Variants in KCNJ3 observed in about 807,000 individuals in gnomAD.
The protein encoded by KCNJ3 is G protein-activated inward rectifier potassium channel 1.
In KCNJ3, 4 loss-of-function variants were observed where a neutral mutation model predicts 39.2. The observed-to-expected ratio is 0.10, with a 90% CI of 0.05 to 0.23. The LOEUF (loss-of-function observed/expected upper bound fraction) is 0.23, where lower values mean the gene tolerates loss of function less well. Ranked by LOEUF, KCNJ3 falls within the 10% of genes least tolerant of loss-of-function variation. KCNJ3 has a pLI of 1.00. For synonymous variants in KCNJ3, 230 were observed against 237.4 expected, an observed-to-expected ratio of 0.97 and a Z score of 0.29; for missense variants, 276 against 634.9, an observed-to-expected ratio of 0.43 and a Z score of 6.08.
rs185745397 is a variant in KCNJ3, at chr2:154,801,645, T to A, written c.920-53082T>A. Among the ~76,000 whole-genome samples the A allele has an allele frequency of 3.5e-3, 531 of 151,742 alleles. 2 individuals carry two copies. The highest frequency in any genetic ancestry group is 6.8e-3 in the Middle Eastern group (2 of 294). On this transcript the variant is annotated intron_variant, in intron 2 of 2. Transcript: ENST00000295101. Reference sequence around the variant, plus strand: ...GGTTTGTTTTTGTTTTTGAGACAGGTTGATACAGGGTCTCATTCTGTCACC... The same window carrying A: ...GGTTTGTTTTTGTTTTTGAGACAGGATGATACAGGGTCTCATTCTGTCACC...
At chr2:154,768,091 T>C (rs533346376) in intron 2 of KCNJ3, among the ~76,000 whole-genome samples, 19 of 152,344 alleles carry the variant, frequency 1.2e-4, no homozygotes, top group African/African-American at 4.6e-4. Context: ...TATTAGCCCT[T>C]TGTCAGGTGG....
chr2:154,837,030 G>C (rs919618155), intron 2 of KCNJ3, among the ~76,000 whole-genome samples: 1 of 152,114 alleles, frequency 6.6e-6, no homozygotes, highest in African/African-American at 2.4e-5. Flanking sequence ...TTACACGAGG[G>C]ATAGAAATTT....
At chr2:154,783,683 C>T (rs1385881861) in intron 2 of KCNJ3, among the ~76,000 whole-genome samples, 1 of 152,066 alleles carries the variant, frequency 6.6e-6, no homozygotes, top group Non-Finnish European at 1.5e-5. Flanking sequence ...AATAATTTTC[C>T]CAAGTTGGCA....
intron 2 of KCNJ3, among the ~76,000 whole-genome samples, chr2:154,721,190 A>G (rs1685258480): frequency 6.6e-6 from 1 of 152,130 alleles, no homozygotes; most frequent in Admixed American, 6.5e-5. Flanking sequence ...GTATAACAGT[A>G]GTGCTTTACA....
At chr2:154,715,489 A>T (rs1426189011) in intron 2 of KCNJ3, among the ~76,000 whole-genome samples, 1 of 152,196 alleles carries the variant, frequency 6.6e-6, no homozygotes, top group Non-Finnish European at 1.5e-5. Context: ...TATTTGTTGA[A>T]TCTTCCCTGG....
At chr2:154,761,987 A>C (rs1162120890) in intron 2 of KCNJ3, among the ~76,000 whole-genome samples, 1 of 152,162 alleles carries the variant, frequency 6.6e-6, no homozygotes, top group Non-Finnish European at 1.5e-5. Context: ...AAAAAGTCTG[A>C]GAAGAGGATA....
intron 2 of KCNJ3, among the ~76,000 whole-genome samples, chr2:154,719,966 A>T (rs1685240950): frequency 6.6e-6 from 1 of 152,118 alleles, no homozygotes; most frequent in South Asian, 2.1e-4. Context: ...TGTCTGAAAA[A>T]GAACTAAGAT....
At chr2:154,819,770 C>A (rs1323591558) in intron 2 of KCNJ3, among the ~76,000 whole-genome samples, 1 of 152,042 alleles carries the variant, frequency 6.6e-6, no homozygotes, top group African/African-American at 2.4e-5. Flanking sequence ...ACCTCGTGAT[C>A]TACCCACCTC....
chr2:154,846,661 G>C (rs1279959706), intron 2 of KCNJ3, among the ~76,000 whole-genome samples: 2 of 152,058 alleles, frequency 1.3e-5, no homozygotes, highest in East Asian at 3.9e-4. Context: ...TATATTTTCA[G>C]CAATATGATT....
chr2:154,786,671 A>G (rs1456592250), intron 2 of KCNJ3, among the ~76,000 whole-genome samples: 1 of 152,180 alleles, frequency 6.6e-6, no homozygotes, highest in East Asian at 1.9e-4. Flanking sequence ...AACACACCAA[A>G]TGAAAGTACT....
intron 2 of KCNJ3, among the ~76,000 whole-genome samples, chr2:154,732,867 G>C (rs1337036166): frequency 6.6e-6 from 1 of 152,124 alleles, no homozygotes; most frequent in Non-Finnish European, 1.5e-5. Flanking sequence ...ATCAAGGATG[G>C]AAAGTACAAA....
chr2:154,705,838 A>AT (rs1254170858), intron 1 of KCNJ3, among the ~76,000 whole-genome samples: 1 of 152,026 alleles, frequency 6.6e-6, no homozygotes, highest in Non-Finnish European at 1.5e-5. Context: ...AACTCCCAGA[A>AT]TTTTTTGTAA....
intron 2 of KCNJ3, among the ~76,000 whole-genome samples, chr2:154,771,159 G>A (rs979235763): frequency 6.6e-6 from 1 of 152,070 alleles, no homozygotes; most frequent in African/African-American, 2.4e-5. Flanking sequence ...CCAGAGTGCT[G>A]AGATTACAGG....
intron 2 of KCNJ3, among the ~76,000 whole-genome samples, chr2:154,780,243 G>A (rs1012609131): frequency 2.6e-5 from 4 of 152,136 alleles, no homozygotes; most frequent in Admixed American, 2.6e-4. Flanking sequence ...GTTTCAACAT[G>A]GATTAAGGTG....
chr2:154,712,759 C>T (rs186376247), intron 2 of KCNJ3, among the ~76,000 whole-genome samples: 82 of 152,016 alleles, frequency 5.4e-4, no homozygotes, highest in African/African-American at 8.4e-4. Context: ...TGAGCCTGGG[C>T]GACGCAGTGA....
chr2:154,722,405 G>A (rs978369841), intron 2 of KCNJ3, among the ~76,000 whole-genome samples: 16 of 152,270 alleles, frequency 1.1e-4, no homozygotes, highest in Admixed American at 9.8e-4. Context: ...GGAAGAATGA[G>A]TGAGACTTGG....
chr2:154,856,029 A>G lies in KCNJ3; in HGVS notation c.*716A>G, dbSNP rs965991694. 6.6e-6 allele frequency: 1 copy of G among 152,532 alleles called. No homozygotes were observed. The highest frequency in any genetic ancestry group is 1.9e-4 in the East Asian group (1 of 5,200). The allele number at this position is 152,532 out of a possible 1,614,324, so 9.4% of individuals were successfully genotyped here. On this transcript the variant is annotated 3_prime_UTR_variant, in exon 3 of 3. Transcript: ENST00000295101. Reference sequence around the variant, plus strand: ...AGAATCACACAAGTTTGTGCTATCTATGGCCCTGCAAAAATATAACCATTA... The same window carrying G: ...AGAATCACACAAGTTTGTGCTATCTGTGGCCCTGCAAAAATATAACCATTA...
At chr2:154,775,100 A>G in intron 2 of KCNJ3, among the ~76,000 whole-genome samples, 1 of 152,108 alleles carries the variant, frequency 6.6e-6, no homozygotes, top group Admixed American at 6.6e-5. Flanking sequence ...TACTTTTTGT[A>G]GAGATGGCAT....
chr2:154,798,744 T>A (rs77701942), intron 2 of KCNJ3, among the ~76,000 whole-genome samples: 5,996 of 152,308 alleles, frequency 0.039, 148 homozygotes, highest in Middle Eastern at 0.068. Context: ...TCAAGGTTCA[T>A]CCATGTTGTT....
Sources: gnomAD v4.1 joint callset for allele counts (sites outside exome capture counted in the v4.1 genomes callset) on GRCh38, gnomAD v4.1.1 for gene constraint, MANE v1.5 for transcripts, NCBI Gene and HGNC (gene_info 2026-07-23, HGNC 2026-07-21) for gene names.